The following AHCYL2 variants were observed in gnomAD, a reference collection of about 807,000 sequenced individuals.
AHCYL2 encodes adenosylhomocysteinase like 2.
In AHCYL2, 28 loss-of-function variants were observed where a neutral mutation model predicts 81.4. That is an observed-to-expected ratio of 0.34 (90% CI 0.25 to 0.47). AHCYL2 has a LOEUF of 0.47. Ranked by LOEUF, AHCYL2 falls within the 20% of genes least tolerant of loss-of-function variation. The probability of loss-of-function intolerance (pLI) is 1.00; values close to 1 mark genes in which losing one functional copy is unlikely to be tolerated. For synonymous variants in AHCYL2, 272 were observed against 290.2 expected (o/e 0.94, Z 0.64); for missense variants, 551 against 785.1 (o/e 0.70, Z 3.56).
At chr7:129,366,052 G>C (rs78607703) in intron 1 of AHCYL2, among the ~76,000 whole-genome samples, 151 of 152,260 alleles carry the variant, frequency 9.9e-4, no homozygotes, top group African/African-American at 3.5e-3. Context: ...GAGGTTGCTA[G>C]GAGCTAAGAC....
Position 129,315,229 on chromosome 7 carries a change from T to C in AHCYL2, c.364-64409T>C, listed in dbSNP as rs73722947. Among the ~76,000 whole-genome samples the C allele has an allele frequency of 3.5e-3, 535 of 152,316 alleles. 1 individual carries two copies. The highest frequency in any genetic ancestry group is 0.012 in the African/African-American group (517 of 41,572). Reference sequence around the variant, plus strand: ...AATAATTCTTCTAAAATATTGATCATGTAATCTTCCCTTTTTGTATTTCTA... The same window carrying C: ...AATAATTCTTCTAAAATATTGATCACGTAATCTTCCCTTTTTGTATTTCTA... On this transcript the variant is annotated intron_variant, in intron 1 of 16. Coordinates refer to ENST00000325006, the MANE Select transcript of AHCYL2 (RefSeq NM_015328.4).
intron 1 of AHCYL2, among the ~76,000 whole-genome samples, chr7:129,373,432 A>G (rs542826950): frequency 6.6e-6 from 1 of 152,016 alleles, no homozygotes; most frequent in Non-Finnish European, 1.5e-5. Context: ...AAACAAAACA[A>G]AACAAAAAAG....
chr7:129,319,928 A>G lies in AHCYL2; in HGVS notation c.364-59710A>G, dbSNP rs375752289. 4.6e-5 allele frequency among the ~76,000 whole-genome samples: 7 copies of G among 152,256 alleles called. No homozygotes were observed. In the East Asian group the frequency reaches 1.2e-3, roughly 25 times the overall value. On this transcript the variant is annotated intron_variant, in intron 1 of 16. Transcript: ENST00000325006. ...TTCATTTTTTTTTTTAGGTAAATAC[A>G]AAGGAGTGTAATAGCTGGGTCTTAT...
At chr7:129,401,843 TAAAG>T in intron 6 of AHCYL2, among the ~76,000 whole-genome samples, 1 of 152,146 alleles carries the variant, frequency 6.6e-6, no homozygotes, top group East Asian at 1.9e-4. Flanking sequence ...GGAAGGTTAA[TAAAG>T]AGAGTAAGAC....
At chr7:129,309,137 C>T (rs1312637822) in intron 1 of AHCYL2, among the ~76,000 whole-genome samples, 1 of 152,122 alleles carries the variant, frequency 6.6e-6, no homozygotes, top group East Asian at 1.9e-4. Flanking sequence ...GAGGCTGAGT[C>T]AGGAGAATCA....
chr7:129,340,887 T>C (rs541380749), intron 1 of AHCYL2, among the ~76,000 whole-genome samples: 4 of 152,300 alleles, frequency 2.6e-5, no homozygotes, highest in African/African-American at 9.6e-5. Flanking sequence ...TTTTTTTACA[T>C]TGCTGTGTTA....
intron 1 of AHCYL2, among the ~76,000 whole-genome samples, chr7:129,308,194 C>T (rs1354546251): frequency 3.3e-5 from 5 of 150,364 alleles, no homozygotes; most frequent in African/African-American, 1.0e-4. Context: ...GTGGCCTAGA[C>T]AGCCTTTCAA....
chr7:129,325,893 C>T (rs367548639), intron 1 of AHCYL2, among the ~76,000 whole-genome samples: 5 of 151,774 alleles, frequency 3.3e-5, no homozygotes, highest in East Asian at 1.9e-4. Context: ...TTAGTAGAGG[C>T]GGGATTTCAC....
chr7:129,250,445 T>C (rs1299027184), intron 1 of AHCYL2, among the ~76,000 whole-genome samples: 1 of 152,240 alleles, frequency 6.6e-6, no homozygotes, highest in Non-Finnish European at 1.5e-5. Flanking sequence ...GAAGATTCTT[T>C]AGGATTTTCT....
At chr7:129,250,763 C>G (rs1386348930) in intron 1 of AHCYL2, among the ~76,000 whole-genome samples, 1 of 152,200 alleles carries the variant, frequency 6.6e-6, no homozygotes, top group Admixed American at 6.5e-5. Context: ...TGAATATCAC[C>G]TCTTGACATT....
intron 11 of AHCYL2, among the ~76,000 whole-genome samples, chr7:129,411,070 CTTT>C (rs781764144): frequency 6.9e-6 from 1 of 144,048 alleles, no homozygotes; most frequent in Admixed American, 7.0e-5. Context: ...CAGCCTGGAC[CTTT>C]TTTTTTTTTT....
rs1208036303 is a variant in AHCYL2, at chr7:129,428,720, G to A, written c.*1675G>A. 1 of 152,174 alleles carries A rather than the reference G, an allele frequency of 6.6e-6. No individual in the cohort carries two copies. Among genetic ancestry groups the A allele is most frequent in the Non-Finnish European group, 1.5e-5 (1 of 68,034 alleles). 9.4% of individuals were successfully genotyped at this position (152,174 alleles called of 1,614,324 possible). ...ATATACTCTCAAAGCTAGTCTGAAAGTGACCTTACTTTCGGAAGTAGGGAA... is the reference window on the plus strand; with the variant it reads ...ATATACTCTCAAAGCTAGTCTGAAAATGACCTTACTTTCGGAAGTAGGGAA... On this transcript the variant is annotated 3_prime_UTR_variant, in exon 17 of 17. Coordinates refer to ENST00000325006, the MANE Select transcript of AHCYL2 (RefSeq NM_015328.4).
At chr7:129,315,127 C>T (rs527417888) in intron 1 of AHCYL2, among the ~76,000 whole-genome samples, 3 of 152,226 alleles carry the variant, frequency 2.0e-5, no homozygotes, top group Admixed American at 6.5e-5. Flanking sequence ...TATGTCTTAC[C>T]TGGACTATTG....
intron 1 of AHCYL2, among the ~76,000 whole-genome samples, chr7:129,324,498 C>A (rs1281557038): frequency 6.6e-6 from 1 of 152,040 alleles, no homozygotes; most frequent in Non-Finnish European, 1.5e-5. Context: ...TTCAGTTTTA[C>A]CTCCATATTG....
intron 1 of AHCYL2, among the ~76,000 whole-genome samples, chr7:129,265,101 A>G (rs1238774942): frequency 6.6e-6 from 1 of 152,212 alleles, no homozygotes; most frequent in Non-Finnish European, 1.5e-5. Context: ...AGAGAGAAAC[A>G]TTTACAAGAT....
At chr7:129,357,964 A>G (rs1047835722) in intron 1 of AHCYL2, among the ~76,000 whole-genome samples, 5 of 151,904 alleles carry the variant, frequency 3.3e-5, no homozygotes, top group South Asian at 2.1e-4. Context: ...TGGGGCCTCA[A>G]ATAGATATTT....
At chr7:129,355,381 G>A (rs946226647) in intron 1 of AHCYL2, among the ~76,000 whole-genome samples, 4 of 152,034 alleles carry the variant, frequency 2.6e-5, no homozygotes, top group African/African-American at 9.7e-5. Flanking sequence ...TGTTATCTCT[G>A]GGTTCAATGA....
intron 2 of AHCYL2, 192 bp from the exon 3 acceptor site, chr7:129,388,863 TC>T (rs1251964151): frequency 7.3e-6 from 4 of 545,466 alleles, no homozygotes; most frequent in African/African-American, 3.9e-5. Context: ...GTTAAGGCTA[TC>T]CAGGAAGAAT....
Position 129,379,729 on chromosome 7 carries a change from CT to C in AHCYL2, c.456del (p.Thr153LeufsTer59), listed in dbSNP as rs758820905. On this transcript the variant is annotated frameshift_variant, in exon 2 of 17. Transcript: ENST00000325006. LOFTEE classifies it high-confidence loss of function. ...RSLSRSISQSSTDSYSSAASY... is the reference protein window; with the variant it reads ...RSLSRSISQSXTDSYSSAASY... The stretch of plus-strand genomic sequence containing the variant: ...TTGTCTCGTTCCATTTCTCAGTCAT[CT>C]ACTGACAGCTACAGCTCAGGTGAGT... 1.9e-6 allele frequency: 3 copies of C among 1,613,918 alleles called. No homozygotes were observed. In the African/African-American group the frequency reaches 4.0e-5, roughly 22 times the overall value.
Sources: allele counts gnomAD v4.1 joint callset (sites outside exome capture counted in the v4.1 genomes callset), GRCh38; gene constraint gnomAD v4.1.1; transcripts MANE v1.5; gene names NCBI Gene and HGNC (gene_info 2026-07-23, HGNC 2026-07-21).